CAMK2D: variants seen among roughly 807,000 people sequenced by gnomAD.
CAMK2D encodes the protein calcium/calmodulin-dependent protein kinase type II subunit delta.
In CAMK2D, 37 loss-of-function variants were observed where a neutral mutation model predicts 84.0. The observed-to-expected ratio is 0.44, with a 90% CI of 0.34 to 0.58. The LOEUF is 0.58. Ranked by LOEUF, CAMK2D falls within the 20% of genes least tolerant of loss-of-function variation. The probability of loss-of-function intolerance (pLI) is 0.02; values close to 1 mark genes in which losing one functional copy is unlikely to be tolerated. For missense variants in CAMK2D, 448 were observed against 652.5 expected (o/e 0.69, Z 3.41); for synonymous variants, 202 against 212.5 (o/e 0.95, Z 0.43).
chr4:113,477,181 A>G lies in CAMK2D; in HGVS notation c.1136-11577T>C, dbSNP rs1361672553. 1.3e-5 allele frequency among the ~76,000 whole-genome samples: 2 copies of G among 152,204 alleles called. 1 individual carries two copies. The highest frequency in any genetic ancestry group is 2.9e-5 in the Non-Finnish European group (2 of 68,044). On this transcript the variant is annotated intron_variant, in intron 16 of 20. Transcript: ENST00000511664. ...TTGGGCTGTACCCATGTGAATGCCT[A>G]TAACTCTTCCAATGTCGTCATGCAT...
At position 113,738,746 on chromosome 4, in the gene CAMK2D, C is replaced by A. The variant is rs556912146; in HGVS notation, c.160+20574G>T. On this transcript the variant is annotated intron_variant, in intron 2 of 20. Transcript: ENST00000511664. The stretch of plus-strand genomic sequence containing the variant: ...TCAAGGGAAATTTTCCCAATATGAA[C>A]TTTCCCATGTCACTGAAAATTTTGG... Among the ~76,000 whole-genome samples the A allele has an allele frequency of 1.2e-4, 18 of 152,132 alleles. 1 individual carries two copies. In the South Asian group the frequency reaches 3.7e-3, roughly 32 times the overall value.
At chr4:113,526,694 TCAGA>T (rs1233767960) in intron 8 of CAMK2D, among the ~76,000 whole-genome samples, 4 of 152,216 alleles carry the variant, frequency 2.6e-5, no homozygotes, top group East Asian at 3.9e-4. Context: ...AGAAATGTAC[TCAGA>T]CAATCCACAT....
At chr4:113,703,205 A>G (rs2099428395) in intron 2 of CAMK2D, among the ~76,000 whole-genome samples, 1 of 152,226 alleles carries the variant, frequency 6.6e-6, no homozygotes, top group Non-Finnish European at 1.5e-5. Flanking sequence ...ACCCTCAAGT[A>G]GTCGAGGGTT....
intron 2 of CAMK2D, among the ~76,000 whole-genome samples, chr4:113,739,895 C>T (rs1029960179): frequency 5.9e-5 from 9 of 152,050 alleles, no homozygotes; most frequent in Non-Finnish European, 1.3e-4. Flanking sequence ...ACCCATCACC[C>T]AGGTACTAAG....
intron 2 of CAMK2D, among the ~76,000 whole-genome samples, chr4:113,739,287 A>G (rs1001920729): frequency 2.0e-5 from 3 of 152,150 alleles, no homozygotes; most frequent in South Asian, 2.1e-4. Flanking sequence ...GTGAAAGAGA[A>G]TTTCAATCTA....
intron 17 of CAMK2D, among the ~76,000 whole-genome samples, chr4:113,463,454 G>A (rs1006884866): frequency 2.0e-5 from 3 of 152,036 alleles, no homozygotes; most frequent in Admixed American, 6.6e-5. Context: ...TCAGCTCACC[G>A]CAACCTCTGC....
intron 6 of CAMK2D, among the ~76,000 whole-genome samples, chr4:113,538,535 T>C (rs1362449582): frequency 1.3e-5 from 2 of 152,154 alleles, no homozygotes; most frequent in African/African-American, 4.8e-5. Flanking sequence ...TGGGAAACAA[T>C]GGACTCTACA....
chr4:113,480,107 G>T (rs1302889587), intron 16 of CAMK2D, among the ~76,000 whole-genome samples: 1 of 151,982 alleles, frequency 6.6e-6, no homozygotes, highest in Non-Finnish European at 1.5e-5. Context: ...GACTACAGGT[G>T]CATGCCGCCA....
intron 16 of CAMK2D, among the ~76,000 whole-genome samples, chr4:113,484,389 G>A (rs2097742192): frequency 6.6e-6 from 1 of 152,092 alleles, no homozygotes; most frequent in Non-Finnish European, 1.5e-5. Context: ...TTCTCTGAAA[G>A]GAGGCCATTA....
At chr4:113,706,986 T>C (rs2099460393) in intron 2 of CAMK2D, among the ~76,000 whole-genome samples, 1 of 151,996 alleles carries the variant, frequency 6.6e-6, no homozygotes, top group Non-Finnish European at 1.5e-5. Context: ...TTTTGCAAAA[T>C]AATATGTTCT....
At chr4:113,595,546 T>C (rs1469468474) in intron 4 of CAMK2D, among the ~76,000 whole-genome samples, 1 of 151,904 alleles carries the variant, frequency 6.6e-6, no homozygotes, top group Non-Finnish European at 1.5e-5. Context: ...ATTTTGTTAT[T>C]ATAAGATACC....
chr4:113,738,461 T>A (rs2099586116), intron 2 of CAMK2D, among the ~76,000 whole-genome samples: 1 of 152,124 alleles, frequency 6.6e-6, no homozygotes, highest in Admixed American at 6.6e-5. Flanking sequence ...GTCTCATGTT[T>A]CCAGTAGACT....
At chr4:113,457,903 C>T (rs909820244) in intron 18 of CAMK2D, among the ~76,000 whole-genome samples, 2 of 152,196 alleles carry the variant, frequency 1.3e-5, no homozygotes, top group African/African-American at 4.8e-5. Flanking sequence ...TGAAGAAGGC[C>T]TGGCCCAGGT....
intron 2 of CAMK2D, among the ~76,000 whole-genome samples, chr4:113,736,224 C>A (rs2099581007): frequency 6.6e-6 from 1 of 151,496 alleles, no homozygotes; most frequent in African/African-American, 2.4e-5. Context: ...TCTTCCAAGA[C>A]ATCCAACTTA....
At chr4:113,497,568 C>T (rs1041211038) in intron 16 of CAMK2D, among the ~76,000 whole-genome samples, 2 of 152,174 alleles carry the variant, frequency 1.3e-5, no homozygotes, top group South Asian at 2.1e-4. Context: ...CATTCAAAGA[C>T]GCCAGAAAGA....
intron 2 of CAMK2D, among the ~76,000 whole-genome samples, chr4:113,699,555 G>A (rs912319206): frequency 1.3e-5 from 2 of 151,976 alleles, no homozygotes; most frequent in African/African-American, 2.4e-5. Flanking sequence ...CCTAATCAGT[G>A]ATTTACATAA....
intron 4 of CAMK2D, among the ~76,000 whole-genome samples, chr4:113,557,480 C>T (rs776666886): frequency 5.9e-5 from 9 of 152,176 alleles, no homozygotes; most frequent in Non-Finnish European, 1.3e-4. Flanking sequence ...GTCTCTCTTC[C>T]GGGAATTCCC....
chr4:113,740,553 C>G (rs2099590498), intron 2 of CAMK2D, among the ~76,000 whole-genome samples: 1 of 151,980 alleles, frequency 6.6e-6, no homozygotes, highest in East Asian at 1.9e-4. Context: ...TAAGTCAAGA[C>G]CTGGACTCTT....
chr4:113,663,987 C>G (rs2099247809), intron 2 of CAMK2D, among the ~76,000 whole-genome samples: 2 of 152,024 alleles, frequency 1.3e-5, no homozygotes. Flanking sequence ...ATTGTGGGCT[C>G]TAATCTAATA....
Sources: gnomAD v4.1 joint callset for allele counts (sites outside exome capture counted in the v4.1 genomes callset) on GRCh38, gnomAD v4.1.1 for gene constraint, MANE v1.5 for transcripts, NCBI Gene and HGNC (gene_info 2026-07-23, HGNC 2026-07-21) for gene names.